The following DMD variants were observed in gnomAD, a reference collection of about 807,000 sequenced individuals.
DMD encodes the protein dystrophin.
DMD carries 63 observed loss-of-function variants against 330.1 expected under a neutral mutation model. The observed-to-expected ratio is 0.19, with a 90% CI of 0.16 to 0.24. The LOEUF is 0.24. Among genes scored for constraint, DMD ranks in the 10% least tolerant of loss-of-function variants. The pLI is 1.00. For synonymous variants in DMD, 1,223 were observed against 959.8 expected, an observed-to-expected ratio of 1.27 and a Z score of -5.07; for missense variants, 3,344 against 2,684.1, an observed-to-expected ratio of 1.25 and a Z score of -5.43.
intron 2 of DMD, among the ~76,000 whole-genome samples, chrX:32,912,048 AG>A (rs2087308212): frequency 1.9e-5 from 2 of 103,505 alleles, no homozygotes; most frequent in African/African-American, 7.1e-5. Context: ...AGAGAGAGAG[AG>A]AGAGAGAGAA....
chrX:31,280,539 C>T (rs2052534354), intron 62 of DMD, among the ~76,000 whole-genome samples: 1 of 111,816 alleles, frequency 8.9e-6, no homozygotes, highest in African/African-American at 3.2e-5. Context: ...CACAAGTACA[C>T]ATCTGCCAAA....
intron 59 of DMD, among the ~76,000 whole-genome samples, chrX:31,460,724 G>A (rs746752896): frequency 1.8e-3 from 201 of 110,970 alleles, no homozygotes; most frequent in Non-Finnish European, 3.0e-3. Context: ...TGGGACTACA[G>A]ACACATGCCA....
At chrX:31,874,143 T>C (rs928360651) in intron 48 of DMD, among the ~76,000 whole-genome samples, 2 of 111,560 alleles carry the variant, frequency 1.8e-5, no homozygotes, top group African/African-American at 6.5e-5. Context: ...GGAAGAAAAC[T>C]TGGAAGACGC....
chrX:32,496,907 A>G (rs1461758991), intron 19 of DMD, among the ~76,000 whole-genome samples: 1 of 112,647 alleles, frequency 8.9e-6, no homozygotes, highest in African/African-American at 3.2e-5. Context: ...CAACTGTGGA[A>G]GGCTACTCAT....
chrX:32,962,475 A>C lies in DMD; in HGVS notation c.93+57664T>G, dbSNP rs192540194. Among the ~76,000 whole-genome samples the C allele has an allele frequency of 1.5e-3, 170 of 111,524 alleles. 2 individuals are homozygous for C. The East Asian group carries it at 0.033, about 22-fold the overall frequency. On this transcript the variant is annotated intron_variant, in intron 2 of 78. Transcript: ENST00000357033. Reference sequence around the variant, plus strand: ...GAGCATAGGGCTTTTTATTTCTTTAAACTGGCCTGTTTATTACTCAGGTTT... The same window carrying C: ...GAGCATAGGGCTTTTTATTTCTTTACACTGGCCTGTTTATTACTCAGGTTT...
In DMD at chrX:31,729,639, G is replaced by A. The variant is rs778691311; in HGVS notation, c.7652C>T (p.Thr2551Met). Residue 2551 changes from threonine to methionine, a missense_variant, in exon 52 of 79, where the codon ACG becomes ATG. Physicochemically the swap from Thr to Met is moderately conservative, Grantham distance 81. Transcript: ENST00000357033. ...CTTGTTAAAAAACTTACTTCGATCC[G>A]TAATGATTGTTCTAGCCTCTTGATT... ...TSNQEARTII[T>M]DRIERIQNQW... 1.2e-5 allele frequency: 14 copies of A among 1,206,256 alleles called. No homozygotes were observed. The highest frequency in any genetic ancestry group is 5.3e-5 in the South Asian group (3 of 56,746).
At chrX:33,199,933 C>T (rs1198365137) in intron 1 of DMD, among the ~76,000 whole-genome samples, 2 of 111,698 alleles carry the variant, frequency 1.8e-5, no homozygotes, top group African/African-American at 3.2e-5. Flanking sequence ...AAGTCCTCTA[C>T]TTCACTTGAA....
At chrX:32,491,236 C>A in intron 20 of DMD, 41 bp downstream of exon 20, 1 of 1,203,340 alleles carries the variant, frequency 8.3e-7, no homozygotes, top group Non-Finnish European at 1.1e-6. Context: ...CAAGAAATAC[C>A]TATTGATTAT....
At chrX:31,547,936 T>C (rs2074245481) in intron 55 of DMD, among the ~76,000 whole-genome samples, 1 of 111,941 alleles carries the variant, frequency 8.9e-6, no homozygotes, top group South Asian at 3.7e-4. Flanking sequence ...TGAGGCACCT[T>C]GCAGAACTTT....
intron 17 of DMD, among the ~76,000 whole-genome samples, chrX:32,535,914 A>C (rs1219389259): frequency 2.7e-5 from 3 of 111,795 alleles, no homozygotes; most frequent in African/African-American, 9.8e-5. Flanking sequence ...AGATACAGGC[A>C]TGCAAAAATA....
intron 2 of DMD, among the ~76,000 whole-genome samples, chrX:32,951,934 A>G (rs1361493248): frequency 1.8e-5 from 2 of 110,929 alleles, no homozygotes; most frequent in African/African-American, 6.6e-5. Flanking sequence ...TATATTTGAC[A>G]TCTCCTCTTT....
chrX:32,041,105 A>G (rs143146835), intron 44 of DMD, among the ~76,000 whole-genome samples: 1,166 of 111,873 alleles, frequency 0.01, 14 homozygotes, highest in African/African-American at 0.036. Flanking sequence ...GAAAGGGGTC[A>G]TGTCCATCCA....
chrX:32,886,616 A>G (rs984595945), intron 2 of DMD, among the ~76,000 whole-genome samples: 4 of 110,202 alleles, frequency 3.6e-5, no homozygotes, highest in Non-Finnish European at 3.8e-5. Context: ...CCAGGAGGCG[A>G]AGCTTGCAGT....
chrX:33,119,654 T>C (rs1415994618), intron 1 of DMD, among the ~76,000 whole-genome samples: 1 of 110,983 alleles, frequency 9.0e-6, no homozygotes, highest in African/African-American at 3.3e-5. Context: ...TTGGTAAAGA[T>C]ATTGGACGCA....
At chrX:32,314,183 T>C (rs2097574621) in intron 41 of DMD, among the ~76,000 whole-genome samples, 1 of 111,551 alleles carries the variant, frequency 9.0e-6, no homozygotes, top group African/African-American at 3.3e-5. Context: ...CAGATTATAC[T>C]GATAGCAAAA....
chrX:32,293,832 A>G (rs2097483993), intron 42 of DMD, among the ~76,000 whole-genome samples: 1 of 111,892 alleles, frequency 8.9e-6, no homozygotes, highest in Non-Finnish European at 1.9e-5. Flanking sequence ...TCTAAAATAC[A>G]CTTGAAATTA....
intron 52 of DMD, among the ~76,000 whole-genome samples, chrX:31,695,913 A>G (rs758208603): frequency 1.4e-4 from 16 of 111,420 alleles, no homozygotes; most frequent in Non-Finnish European, 2.5e-4. Context: ...AAATAGCTAA[A>G]AAGGAGGATT....
At chrX:33,079,797 A>C in intron 1 of DMD, among the ~76,000 whole-genome samples, 1 of 111,817 alleles carries the variant, frequency 8.9e-6, no homozygotes. Flanking sequence ...CGATAACTCC[A>C]AAATCTTAAA....
At chrX:31,790,582 C>T (rs1036319341) in intron 50 of DMD, among the ~76,000 whole-genome samples, 15 of 111,441 alleles carry the variant, frequency 1.3e-4, no homozygotes, top group Non-Finnish European at 1.3e-4. Context: ...TTAATTTATA[C>T]TGTACATTCT....
Sources: gnomAD v4.1 joint callset for allele counts (sites outside exome capture counted in the v4.1 genomes callset) on GRCh38, gnomAD v4.1.1 for gene constraint, MANE v1.5 for transcripts, NCBI Gene and HGNC (gene_info 2026-07-23, HGNC 2026-07-21) for gene names.